COL10A1: variants seen among roughly 807,000 people sequenced by gnomAD.
COL10A1 encodes collagen alpha-1(X) chain.
In COL10A1, 10 loss-of-function variants were observed where a neutral mutation model predicts 18.2. That is an observed-to-expected ratio of 0.55 (90% CI 0.34 to 0.93). COL10A1 has a LOEUF of 0.93. Ranked by LOEUF, COL10A1 falls within the 40% of genes least tolerant of loss-of-function variation. The pLI, the probability that COL10A1 is intolerant of heterozygous loss-of-function variation, is 0.02. For missense variants in COL10A1, 897 were observed against 853.5 expected (o/e 1.05, Z -0.64); for synonymous variants, 330 against 316.6 (o/e 1.04, Z -0.45).
intron 1 of COL10A1, among the ~76,000 whole-genome samples, chr6:116,131,711 G>GA (rs1779470410): frequency 6.6e-6 from 1 of 152,088 alleles, no homozygotes; most frequent in African/African-American, 2.4e-5. Context: ...TACAAGTGCA[G>GA]GTGTGTTACA....
the COL10A1 span, among the ~76,000 whole-genome samples, chr6:116,172,328 T>G: frequency 6.8e-6 from 1 of 147,700 alleles, no homozygotes; most frequent in African/African-American, 2.5e-5. Context: ...TTTTTTTTTT[T>G]TTTTTTTTTT....
the COL10A1 span, among the ~76,000 whole-genome samples, chr6:116,201,509 C>A: frequency 2.0e-5 from 3 of 151,924 alleles, no homozygotes; most frequent in African/African-American, 7.2e-5. Context: ...GGGACTGCCT[C>A]GGTAATGCTT....
At chr6:116,174,598 T>C in the COL10A1 span, among the ~76,000 whole-genome samples, 1 of 152,228 alleles carries the variant, frequency 6.6e-6, no homozygotes, top group African/African-American at 2.4e-5. Flanking sequence ...AAAACTTGTG[T>C]GAAGATTAGG....
upstream of COL10A1, among the ~76,000 whole-genome samples, chr6:116,127,943 C>T (rs1291183228): frequency 6.6e-6 from 1 of 152,018 alleles, no homozygotes; most frequent in South Asian, 2.1e-4. Flanking sequence ...TGTTTTTTAT[C>T]AACACAATGA....
At chr6:116,135,026 A>G (rs1279311115) in intron 1 of COL10A1, among the ~76,000 whole-genome samples, 1 of 152,138 alleles carries the variant, frequency 6.6e-6, no homozygotes, top group Non-Finnish European at 1.5e-5. Context: ...TCACTTTCCC[A>G]TTATCTTTTA....
upstream of COL10A1, among the ~76,000 whole-genome samples, chr6:116,128,526 A>C (rs1053617819): frequency 6.6e-6 from 1 of 152,120 alleles, no homozygotes; most frequent in African/African-American, 2.4e-5. Flanking sequence ...TTTTTTTCAC[A>C]TCTGGCAGTT....
At chr6:116,126,139 C>T (rs185616148), upstream of COL10A1, 1 of 152,826 alleles carries the variant, frequency 6.5e-6, no homozygotes, top group Non-Finnish European at 1.5e-5. Context: ...AGGTGCCTCT[C>T]AAGAGCTGTT....
chr6:116,144,373 C>T (rs752346456), intron 1 of COL10A1, among the ~76,000 whole-genome samples: 15 of 151,988 alleles, frequency 9.9e-5, no homozygotes, highest in Non-Finnish European at 1.6e-4. Flanking sequence ...TGATGGTGCA[C>T]GCCTGTAGTC....
At chr6:116,208,695 G>C in the COL10A1 span, among the ~76,000 whole-genome samples, 1 of 152,034 alleles carries the variant, frequency 6.6e-6, no homozygotes, top group South Asian at 2.1e-4. Context: ...CCCTAGGCTT[G>C]TAGTGTCTTT....
At chr6:116,204,023 A>G in the COL10A1 span, among the ~76,000 whole-genome samples, 14 of 151,316 alleles carry the variant, frequency 9.3e-5, no homozygotes, top group African/African-American at 3.4e-4. Context: ...AGACCCGCTG[A>G]AAAAAAACCC....
At chr6:116,173,548 A>G in the COL10A1 span, among the ~76,000 whole-genome samples, 1 of 152,122 alleles carries the variant, frequency 6.6e-6, no homozygotes, top group Non-Finnish European at 1.5e-5. Context: ...CAGCAACACT[A>G]AAGCTGAGCG....
At chr6:116,213,609 A>G in the COL10A1 span, among the ~76,000 whole-genome samples, 9 of 152,088 alleles carry the variant, frequency 5.9e-5, no homozygotes, top group East Asian at 9.7e-4. Flanking sequence ...TGGAAACTCA[A>G]TCCACTTCAC....
the COL10A1 span, among the ~76,000 whole-genome samples, chr6:116,205,100 TTC>T: frequency 2.0e-4 from 30 of 151,782 alleles, no homozygotes; most frequent in Non-Finnish European, 3.8e-4. Context: ...CATTCATGGG[TTC>T]TTAGTTTCTG....
At chr6:116,193,215 A>G in the COL10A1 span, among the ~76,000 whole-genome samples, 1 of 151,978 alleles carries the variant, frequency 6.6e-6, no homozygotes, top group Non-Finnish European at 1.5e-5. Context: ...CCAGTTTTTC[A>G]CTGTTTATTT....
chr6:116,149,454 A>G (rs1779980182), intron 1 of COL10A1, among the ~76,000 whole-genome samples: 1 of 152,190 alleles, frequency 6.6e-6, no homozygotes, highest in Non-Finnish European at 1.5e-5. Context: ...TGCCAGTACT[A>G]AGAGAACACT....
At chr6:116,131,709 C>T (rs535757199) in intron 1 of COL10A1, among the ~76,000 whole-genome samples, 3 of 152,236 alleles carry the variant, frequency 2.0e-5, no homozygotes, top group African/African-American at 7.2e-5. Context: ...GGTACAAGTG[C>T]AGGTGTGTTA....
At chr6:116,195,956 G>C in the COL10A1 span, among the ~76,000 whole-genome samples, 1 of 152,042 alleles carries the variant, frequency 6.6e-6, no homozygotes, top group African/African-American at 2.4e-5. Flanking sequence ...ATTTGATGAT[G>C]AGCATTTTGG....
intron 2 of COL10A1, among the ~76,000 whole-genome samples, chr6:116,123,617 CTT>C (rs565535534): frequency 2.2e-4 from 33 of 152,262 alleles, no homozygotes; most frequent in African/African-American, 7.7e-4. Flanking sequence ...TGTAATAACT[CTT>C]TGAATTCCTG....
At chr6:116,211,413 A>T in the COL10A1 span, among the ~76,000 whole-genome samples, 1 of 152,100 alleles carries the variant, frequency 6.6e-6, no homozygotes, top group East Asian at 1.9e-4. Flanking sequence ...AATTTTCTCT[A>T]GCAAAAGTGT....
Sources: allele counts gnomAD v4.1 joint callset (sites outside exome capture counted in the v4.1 genomes callset), GRCh38; gene constraint gnomAD v4.1.1; transcripts MANE v1.5; gene names NCBI Gene and HGNC (gene_info 2026-07-23, HGNC 2026-07-21).